Variants in FSTL5 observed in about 807,000 individuals in gnomAD.
The protein encoded by FSTL5 is follistatin like 5.
In FSTL5, 62 loss-of-function variants were observed where a neutral mutation model predicts 89.1. That is an observed-to-expected ratio of 0.70 (90% CI 0.57 to 0.86). The LOEUF (loss-of-function observed/expected upper bound fraction) is 0.86. Among genes scored for constraint, FSTL5 ranks in the 40% least tolerant of loss-of-function variants. The pLI is 0.00. For synonymous variants in FSTL5, 383 were observed against 346.2 expected (o/e 1.11, Z -1.18); for missense variants, 1,057 against 1,001.6 (o/e 1.06, Z -0.75).
At chr4:161,630,582 AAG>A (rs903341815) in intron 7 of FSTL5, among the ~76,000 whole-genome samples, 4 of 152,226 alleles carry the variant, frequency 2.6e-5, no homozygotes, top group African/African-American at 9.6e-5. Flanking sequence ...GGATCAGAAA[AAG>A]AGTTAATGAC....
At chr4:161,399,977 C>T (rs1394523135) in intron 15 of FSTL5, among the ~76,000 whole-genome samples, 2 of 151,946 alleles carry the variant, frequency 1.3e-5, no homozygotes, top group African/African-American at 4.8e-5. Context: ...ATGTTAACTT[C>T]TTATAATAGA....
intron 3 of FSTL5, among the ~76,000 whole-genome samples, chr4:161,943,857 T>C (rs183112329): frequency 6.6e-6 from 1 of 151,872 alleles, no homozygotes; most frequent in African/African-American, 2.4e-5. Flanking sequence ...GCCTGGCCCA[T>C]AACCACTGTA....
chr4:161,770,101 T>C (rs1469209411), intron 5 of FSTL5, among the ~76,000 whole-genome samples: 2 of 151,974 alleles, frequency 1.3e-5, no homozygotes, highest in Non-Finnish European at 2.9e-5. Flanking sequence ...TTACATGAAA[T>C]AAGCCAGGCA....
chr4:162,143,062 G>A (rs1732809930), intron 1 of FSTL5, among the ~76,000 whole-genome samples: 1 of 152,060 alleles, frequency 6.6e-6, no homozygotes, highest in Non-Finnish European at 1.5e-5. Context: ...TAAATGTTAT[G>A]TCTGTAATTG....
intron 10 of FSTL5, among the ~76,000 whole-genome samples, chr4:161,530,992 A>G (rs1731393449): frequency 6.6e-6 from 1 of 151,828 alleles, no homozygotes; most frequent in African/African-American, 2.4e-5. Context: ...ATCTTCTCCT[A>G]CTCCCTGTTG....
chr4:161,640,943 C>A (rs1341561162), intron 7 of FSTL5, among the ~76,000 whole-genome samples: 1 of 152,156 alleles, frequency 6.6e-6, no homozygotes, highest in African/African-American at 2.4e-5. Context: ...ATCCTTAGTA[C>A]AATTGTTTGC....
At chr4:162,095,260 A>T (rs1204068664) in intron 2 of FSTL5, among the ~76,000 whole-genome samples, 1 of 152,142 alleles carries the variant, frequency 6.6e-6, no homozygotes, top group Non-Finnish European at 1.5e-5. Flanking sequence ...CCTAGAGCAG[A>T]TTTTCCCAAA....
At chr4:161,802,383 C>A (rs1387331993) in intron 4 of FSTL5, among the ~76,000 whole-genome samples, 1 of 151,548 alleles carries the variant, frequency 6.6e-6, no homozygotes, top group African/African-American at 2.4e-5. Flanking sequence ...ACAGTGAGTG[C>A]CCTTATAATT....
At chr4:161,978,704 T>C (rs1287148441) in intron 3 of FSTL5, among the ~76,000 whole-genome samples, 1 of 152,160 alleles carries the variant, frequency 6.6e-6, no homozygotes, top group Non-Finnish European at 1.5e-5. Context: ...TTCTGTAGTA[T>C]AATCCCTTTG....
chr4:161,402,993 T>C (rs1731234791), intron 15 of FSTL5, among the ~76,000 whole-genome samples: 1 of 151,930 alleles, frequency 6.6e-6, no homozygotes, highest in Admixed American at 6.6e-5. Flanking sequence ...GGCTAATTTT[T>C]TTTTTGTTTG....
At chr4:161,402,442 T>C (rs976111332) in intron 15 of FSTL5, among the ~76,000 whole-genome samples, 1 of 152,174 alleles carries the variant, frequency 6.6e-6, no homozygotes, top group Non-Finnish European at 1.5e-5. Flanking sequence ...CAATGCCACA[T>C]TGTGTTTTCT....
intron 13 of FSTL5, among the ~76,000 whole-genome samples, chr4:161,459,529 T>G (rs1733487471): frequency 6.6e-6 from 1 of 152,116 alleles, no homozygotes; most frequent in African/African-American, 2.4e-5. Flanking sequence ...CTTTCTAAAT[T>G]TTTTATCATA....
chr4:161,691,585 C>T (rs13113938), intron 6 of FSTL5, among the ~76,000 whole-genome samples: 149,576 of 152,298 alleles, frequency 0.98, 73,517 homozygotes, highest in East Asian at 1. Context: ...AGGAATTCCA[C>T]TTAATCTGCA....
intron 4 of FSTL5, among the ~76,000 whole-genome samples, chr4:161,792,420 A>G (rs1594900): frequency 0.96 from 145,321 of 152,022 alleles, 69,505 homozygotes; most frequent in South Asian, 0.99. Context: ...GGTGGAAAGA[A>G]GCTGGTGTCT....
At chr4:162,057,188 T>G (rs1738571955) in intron 2 of FSTL5, among the ~76,000 whole-genome samples, 1 of 152,214 alleles carries the variant, frequency 6.6e-6, no homozygotes, top group Non-Finnish European at 1.5e-5. Flanking sequence ...TATCTAATCT[T>G]TAAATTCCAG....
intron 8 of FSTL5, among the ~76,000 whole-genome samples, chr4:161,548,363 T>C (rs1004609226): frequency 6.6e-6 from 1 of 151,906 alleles, no homozygotes; most frequent in Non-Finnish European, 1.5e-5. Flanking sequence ...CAGAACACTT[T>C]ATGTCCTGTA....
At chr4:162,008,765 T>A (rs912038750) in intron 3 of FSTL5, among the ~76,000 whole-genome samples, 5 of 151,940 alleles carry the variant, frequency 3.3e-5, no homozygotes, top group Non-Finnish European at 5.9e-5. Context: ...CCATTCTTTT[T>A]AAATATTTAC....
intron 4 of FSTL5, among the ~76,000 whole-genome samples, chr4:161,791,553 G>A (rs1442018840): frequency 6.6e-6 from 1 of 152,198 alleles, no homozygotes; most frequent in Non-Finnish European, 1.5e-5. Flanking sequence ...ACATAAACCA[G>A]TGGGCATGGC....
At chr4:161,881,148 G>C (rs1286563055) in intron 4 of FSTL5, among the ~76,000 whole-genome samples, 2 of 149,102 alleles carry the variant, frequency 1.3e-5, no homozygotes, top group Non-Finnish European at 3.0e-5. Context: ...AAATTATTTT[G>C]GTTTAATTTT....
Sources: allele counts gnomAD v4.1 joint callset (sites outside exome capture counted in the v4.1 genomes callset), GRCh38; gene constraint gnomAD v4.1.1; transcripts MANE v1.5; gene names NCBI Gene and HGNC (gene_info 2026-07-23, HGNC 2026-07-21).